P2RY8: variants seen among roughly 807,000 people sequenced by gnomAD.
The protein encoded by P2RY8 is S-geranylgeranyl-glutathione receptor P2RY8.
P2RY8 carries 6 observed loss-of-function variants against 10.0 expected under a neutral mutation model. The observed-to-expected ratio is 0.60, with a 90% CI of 0.33 to 1.19. P2RY8 has a LOEUF of 1.19. Ranked by LOEUF, P2RY8 falls within the 50% of genes most tolerant of loss-of-function variation. The pLI, the probability that P2RY8 is intolerant of heterozygous loss-of-function variation, is 0.04. For missense variants in P2RY8, 456 were observed against 542.0 expected, an observed-to-expected ratio of 0.84 and a Z score of 1.58; for synonymous variants, 276 against 252.5, an observed-to-expected ratio of 1.09 and a Z score of -0.88.
intron 1 of P2RY8, among the ~76,000 whole-genome samples, chrX:1,488,752 G>C (rs2092011346): frequency 1.3e-5 from 2 of 152,044 alleles, no homozygotes; most frequent in African/African-American, 4.8e-5. Context: ...GTGTGTGTGT[G>C]TGTGTGTGTG....
chrX:1,534,116 C>A (rs1216887929), intron 1 of P2RY8, among the ~76,000 whole-genome samples: 1 of 124,118 alleles, frequency 8.1e-6, no homozygotes, highest in Non-Finnish European at 1.6e-5. Context: ...AATATATTTA[C>A]ATATATTATA....
chrX:1,534,830 G>A (rs2092512816), intron 1 of P2RY8, among the ~76,000 whole-genome samples: 3 of 152,064 alleles, frequency 2.0e-5, no homozygotes, highest in Non-Finnish European at 2.9e-5. Flanking sequence ...GAACTTTAAG[G>A]GACAAACTCA....
intron 1 of P2RY8, among the ~76,000 whole-genome samples, chrX:1,518,316 C>A (rs180700749): frequency 6.6e-6 from 1 of 150,438 alleles, no homozygotes; most frequent in Admixed American, 6.6e-5. Context: ...ATCCCAGCTA[C>A]TCGGGAGGCT....
intron 1 of P2RY8, among the ~76,000 whole-genome samples, chrX:1,472,105 T>G (rs761587843): frequency 1.6e-4 from 25 of 152,046 alleles, no homozygotes; most frequent in Admixed American, 1.3e-3. Flanking sequence ...TTACCTACTT[T>G]GATTACGTAG....
intron 1 of P2RY8, among the ~76,000 whole-genome samples, chrX:1,531,092 A>ATCTG (rs1477515054): frequency 6.1e-4 from 92 of 151,666 alleles, no homozygotes; most frequent in Non-Finnish European, 1.0e-3. Flanking sequence ...CTATCTATCT[A>ATCTG]TCTATCTAAT....
In P2RY8 at chrX:1,488,733, GGTGTGT is replaced by G. The variant is rs771296428; in HGVS notation, c.-24-22157_-24-22152del. ...CCCAGGATGGTCTTGGTAAATGCAG[GGTGTGT>G]GTGTGTGTGTGTGTGTGTGTGTGTG... On this transcript the variant is annotated intron_variant, in intron 1 of 1. Transcript: ENST00000381297. 3.9e-3 allele frequency among the ~76,000 whole-genome samples: 579 copies of G among 147,630 alleles called. 3 individuals are homozygous for G. The highest frequency in any genetic ancestry group is 7.0e-3 in the Non-Finnish European group (466 of 66,722).
intron 1 of P2RY8, among the ~76,000 whole-genome samples, chrX:1,509,485 A>G (rs2092275879): frequency 7.7e-6 from 1 of 129,108 alleles, no homozygotes. Context: ...TCATCTATGC[A>G]TCCATCCATC....
chrX:1,520,493 T>C (rs1365234460), intron 1 of P2RY8, among the ~76,000 whole-genome samples: 1 of 150,910 alleles, frequency 6.6e-6, no homozygotes, highest in Non-Finnish European at 1.5e-5. Flanking sequence ...ATCTCCCTGA[T>C]CCCCAATATT....
intron 1 of P2RY8, among the ~76,000 whole-genome samples, chrX:1,491,893 A>G (rs186933288): frequency 6.6e-6 from 1 of 152,094 alleles, no homozygotes; most frequent in African/African-American, 2.4e-5. Flanking sequence ...GCATGAATGA[A>G]TGCATGAATG....
chrX:1,478,386 G>C (rs1347990442), intron 1 of P2RY8, among the ~76,000 whole-genome samples: 2 of 152,102 alleles, frequency 1.3e-5, no homozygotes, highest in African/African-American at 4.8e-5. Flanking sequence ...AGAGGTTGTA[G>C]GGTGACAGAC....
At chrX:1,521,113 C>A (rs1290380834) in intron 1 of P2RY8, among the ~76,000 whole-genome samples, 2 of 146,950 alleles carry the variant, frequency 1.4e-5, no homozygotes, top group African/African-American at 2.5e-5. Context: ...GAGCTCACTG[C>A]AGCCTCCAAC....
intron 1 of P2RY8, among the ~76,000 whole-genome samples, chrX:1,502,688 T>C (rs753851822): frequency 6.6e-6 from 1 of 152,292 alleles, no homozygotes; most frequent in Non-Finnish European, 1.5e-5. Context: ...GCAGATTCAT[T>C]CCGTTGTGGA....
chrX:1,517,048 G>A (rs1394630820), intron 1 of P2RY8, among the ~76,000 whole-genome samples: 5 of 152,090 alleles, frequency 3.3e-5, no homozygotes, highest in Non-Finnish European at 7.4e-5. Flanking sequence ...GAGGACACAG[G>A]GAGAAAACAG....
intron 1 of P2RY8, among the ~76,000 whole-genome samples, chrX:1,485,104 C>T (rs2091975495): frequency 6.8e-6 from 1 of 146,552 alleles, no homozygotes; most frequent in African/African-American, 2.5e-5. Context: ...GTTGAGATTA[C>T]AGGTCTGAGC....
chrX:1,506,902 T>A (rs2092239257), intron 1 of P2RY8, among the ~76,000 whole-genome samples: 1 of 151,924 alleles, frequency 6.6e-6, no homozygotes, highest in Non-Finnish European at 1.5e-5. Context: ...GGTCTCGATC[T>A]CCTGACCTCG....
intron 1 of P2RY8, among the ~76,000 whole-genome samples, chrX:1,488,331 TC>T (rs1299793719): frequency 6.6e-6 from 1 of 152,124 alleles, no homozygotes; most frequent in Admixed American, 6.6e-5. Flanking sequence ...GGGTGGTGTT[TC>T]CCCTGCTCGC....
intron 1 of P2RY8, among the ~76,000 whole-genome samples, chrX:1,478,454 C>T (rs766510742): frequency 2.0e-4 from 31 of 152,000 alleles, no homozygotes; most frequent in African/African-American, 5.3e-4. Flanking sequence ...ATATGGGAAG[C>T]TGAAGTGGCA....
Position 1,463,063 on chromosome X carries a change from G to T in P2RY8, c.*2416C>A, listed in dbSNP as rs192111179. ...AGGGTTCTCGCACGTTGTCGAGGAA[G>T]GATATTGTCTCGGCTTCCTCTGACT... On this transcript the variant is annotated 3_prime_UTR_variant, in exon 2 of 2. Coordinates refer to ENST00000381297, the MANE Select transcript of P2RY8 (RefSeq NM_178129.5). 1.3e-5 allele frequency: 3 copies of T among 233,208 alleles called. No individual in the cohort carries two copies. Among genetic ancestry groups the T allele is most frequent in the Non-Finnish European group, 2.5e-5 (3 of 118,026 alleles). 14.4% of individuals were successfully genotyped at this position (233,208 alleles called of 1,614,324 possible).
intron 1 of P2RY8, among the ~76,000 whole-genome samples, chrX:1,524,685 C>CATG (rs2092424760): frequency 8.2e-6 from 1 of 121,572 alleles, no homozygotes; most frequent in African/African-American, 3.0e-5. Context: ...ATCCATCCAT[C>CATG]CATCCATCCA....
Sources: allele counts gnomAD v4.1 joint callset (sites outside exome capture counted in the v4.1 genomes callset), GRCh38; gene constraint gnomAD v4.1.1; transcripts MANE v1.5; gene names NCBI Gene and HGNC (gene_info 2026-07-23, HGNC 2026-07-21).